The following PCDH11X variants were observed in gnomAD, a reference collection of about 807,000 sequenced individuals.
The protein encoded by PCDH11X is protocadherin 11 X-linked, also known as protocadherin-11 X-linked.
In PCDH11X, 18 loss-of-function variants were observed where a neutral mutation model predicts 53.3. The observed-to-expected ratio is 0.34, with a 90% CI of 0.23 to 0.50. PCDH11X has a LOEUF of 0.50. Ranked by LOEUF, PCDH11X falls within the 20% of genes least tolerant of loss-of-function variation. The pLI is 0.98. For synonymous variants in PCDH11X, 279 were observed against 393.3 expected (o/e 0.71, Z 3.44); for missense variants, 570 against 1,032.4 (o/e 0.55, Z 6.14).
intron 9 of PCDH11X, among the ~76,000 whole-genome samples, chrX:92,412,826 T>C (rs1378718449): frequency 1.8e-5 from 2 of 109,459 alleles, no homozygotes; most frequent in African/African-American, 6.6e-5. Context: ...TATTTTTAGG[T>C]AGAGAAAAAA....
At chrX:92,260,015 G>A (rs1817037741) in intron 7 of PCDH11X, among the ~76,000 whole-genome samples, 2 of 110,687 alleles carry the variant, frequency 1.8e-5, no homozygotes, top group South Asian at 7.8e-4. Flanking sequence ...TCCTCAAGTG[G>A]AAGTGATCTC....
chrX:92,463,053 A>G, intron 9 of PCDH11X, among the ~76,000 whole-genome samples: 1 of 108,281 alleles, frequency 9.2e-6, no homozygotes, highest in East Asian at 2.9e-4. Context: ...AGGAGTTATT[A>G]TGATTGGCTA....
intron 6 of PCDH11X, among the ~76,000 whole-genome samples, chrX:92,132,663 ATATATGTATATGTATATATATATG>A (rs2065011030): frequency 1.8e-5 from 1 of 56,405 alleles, no homozygotes; most frequent in Admixed American, 2.8e-4. Flanking sequence ...ATATGTATAT[ATATATGTATATGTATATATATATG>A]TATATATATA....
intron 6 of PCDH11X, among the ~76,000 whole-genome samples, chrX:92,154,555 A>G (rs975237114): frequency 2.8e-5 from 3 of 106,996 alleles, no homozygotes; most frequent in Non-Finnish European, 3.8e-5. Flanking sequence ...TGCATTTTCC[A>G]AGACCACCCT....
At chrX:92,485,222 T>C (rs184122396) in intron 10 of PCDH11X, among the ~76,000 whole-genome samples, 1,438 of 110,863 alleles carry the variant, frequency 0.013, 24 homozygotes, top group African/African-American at 0.045. Context: ...AGTTTTTAAG[T>C]ATATTTAAAA....
chrX:92,580,880 C>T (rs1175643488), intron 10 of PCDH11X, among the ~76,000 whole-genome samples: 4 of 110,928 alleles, frequency 3.6e-5, no homozygotes, highest in South Asian at 4.0e-4. Context: ...CCCCTTGCCC[C>T]GTGTGGCTCC....
At chrX:91,876,236 G>T (rs1424242554) in intron 5 of PCDH11X, among the ~76,000 whole-genome samples, 1 of 110,405 alleles carries the variant, frequency 9.1e-6, no homozygotes, top group African/African-American at 3.3e-5. Flanking sequence ...GGTGGCGAGG[G>T]ATAAAAAACT....
chrX:92,330,547 C>T (rs1223209802), intron 8 of PCDH11X, among the ~76,000 whole-genome samples: 2 of 109,499 alleles, frequency 1.8e-5, no homozygotes, highest in Non-Finnish European at 3.8e-5. Flanking sequence ...ACTCCTACTA[C>T]ATGACCTAGT....
chrX:92,384,277 C>T (rs901760397), intron 8 of PCDH11X, among the ~76,000 whole-genome samples: 6 of 109,372 alleles, frequency 5.5e-5, no homozygotes, highest in Admixed American at 2.9e-4. Context: ...TGTAGGTTGC[C>T]GGCTCACTCT....
intron 6 of PCDH11X, among the ~76,000 whole-genome samples, chrX:91,995,241 CAA>C (rs369052107): frequency 0.026 from 2,516 of 95,704 alleles, 72 homozygotes; most frequent in African/African-American, 0.087. Context: ...AAAAAACAAA[CAA>C]AAAAAAAAAC....
At chrX:92,541,067 C>T (rs937401611) in intron 10 of PCDH11X, among the ~76,000 whole-genome samples, 4 of 110,909 alleles carry the variant, frequency 3.6e-5, no homozygotes, top group Admixed American at 1.9e-4. Context: ...TCCTAGGTCA[C>T]GTGCCACTTG....
intron 10 of PCDH11X, among the ~76,000 whole-genome samples, chrX:92,475,090 G>T (rs1425033043): frequency 1.0e-5 from 1 of 98,874 alleles, no homozygotes; most frequent in Non-Finnish European, 2.0e-5. Context: ...GCGTGAACCC[G>T]GGAGGCGGAG....
intron 4 of PCDH11X, among the ~76,000 whole-genome samples, chrX:91,830,896 A>C (rs1937081530): frequency 9.0e-6 from 1 of 111,648 alleles, no homozygotes; most frequent in African/African-American, 3.3e-5. Flanking sequence ...CTAGCATATG[A>C]TTCAGTAATT....
intron 6 of PCDH11X, among the ~76,000 whole-genome samples, chrX:92,023,291 G>T (rs1233843106): frequency 9.4e-6 from 1 of 105,922 alleles, no homozygotes; most frequent in Non-Finnish European, 1.9e-5. Context: ...TAATAAAGAA[G>T]AAAAGTATCA....
chrX:92,382,397 A>T (rs1296626396), intron 8 of PCDH11X, among the ~76,000 whole-genome samples: 1 of 111,226 alleles, frequency 9.0e-6, no homozygotes, highest in Non-Finnish European at 1.9e-5. Context: ...ATGATACTCA[A>T]GTATTCTATA....
intron 8 of PCDH11X, among the ~76,000 whole-genome samples, chrX:92,378,445 A>G (rs1168077931): frequency 9.1e-6 from 1 of 110,038 alleles, no homozygotes; most frequent in Non-Finnish European, 1.9e-5. Context: ...AAAAGAGTCT[A>G]TTATAAACAT....
At chrX:92,086,421 G>A (rs2063951823) in intron 6 of PCDH11X, among the ~76,000 whole-genome samples, 1 of 110,921 alleles carries the variant, frequency 9.0e-6, no homozygotes. Context: ...CCCTTAATTA[G>A]AGACTCCACT....
intron 10 of PCDH11X, among the ~76,000 whole-genome samples, chrX:92,616,771 T>G (rs1602457566): frequency 9.1e-6 from 1 of 109,550 alleles, no homozygotes; most frequent in East Asian, 2.9e-4. Context: ...AAACAGAAGA[T>G]CCATCTAAGA....
chrX:92,355,153 C>T (rs771810126), intron 8 of PCDH11X, among the ~76,000 whole-genome samples: 1 of 104,999 alleles, frequency 9.5e-6, no homozygotes, highest in African/African-American at 3.5e-5. Flanking sequence ...TTAGGCCGGG[C>T]GCGGTGGTTC....
Sources: gnomAD v4.1 joint callset for allele counts (sites outside exome capture counted in the v4.1 genomes callset) on GRCh38, gnomAD v4.1.1 for gene constraint, MANE v1.5 for transcripts, NCBI Gene and HGNC (gene_info 2026-07-23, HGNC 2026-07-21) for gene names.